Variants in C1orf141 observed in about 807,000 individuals in gnomAD.
The protein encoded by C1orf141 is uncharacterized protein C1orf141.
In C1orf141, 19 loss-of-function variants were observed where a neutral mutation model predicts 23.2. The observed-to-expected ratio is 0.82, with a 90% confidence interval of 0.57 to 1.20. The LOEUF (loss-of-function observed/expected upper bound fraction) is 1.20, where lower values mean the gene tolerates loss of function less well. Ranked by LOEUF, C1orf141 falls within the 50% of genes most tolerant of loss-of-function variation. C1orf141 has a pLI of 0.00. For synonymous variants in C1orf141, 153 were observed against 154.6 expected, an observed-to-expected ratio of 0.99 and a Z score of 0.08; for missense variants, 469 against 455.1, an observed-to-expected ratio of 1.03 and a Z score of -0.28.
At chr1:67,094,198 C>G (rs1374645708) in intron 7 of C1orf141, 1 of 152,162 alleles carries the variant, frequency 6.6e-6, no homozygotes, top group African/African-American at 2.4e-5. Flanking sequence ...TAAGAATAGA[C>G]ATTTTTATCG....
At chr1:67,135,719 A>G (rs1238488465), upstream of C1orf141, among the ~76,000 whole-genome samples, 2 of 152,050 alleles carry the variant, frequency 1.3e-5, no homozygotes, top group Non-Finnish European at 2.9e-5. Flanking sequence ...AATGATGGGG[A>G]ATTTCACAAT....
chr1:67,101,020 C>A (rs889592154), intron 5 of C1orf141, among the ~76,000 whole-genome samples: 3 of 150,054 alleles, frequency 2.0e-5, no homozygotes, highest in African/African-American at 7.4e-5. Flanking sequence ...ATTTTTTTAT[C>A]TCTCTCTTTG....
At chr1:67,099,164 G>A (rs1477806530) in intron 5 of C1orf141, among the ~76,000 whole-genome samples, 1 of 152,058 alleles carries the variant, frequency 6.6e-6, no homozygotes, top group African/African-American at 2.4e-5. Flanking sequence ...CAGATACTTT[G>A]TACTAAAAAA....
At chr1:67,104,899 A>T (rs1349804858) in intron 5 of C1orf141, among the ~76,000 whole-genome samples, 1 of 152,216 alleles carries the variant, frequency 6.6e-6, no homozygotes, top group African/African-American at 2.4e-5. Flanking sequence ...ATAACTCATT[A>T]CCCATAGGTC....
At chr1:67,135,906 C>CAGAAAAAAA (rs1646580983), upstream of C1orf141, among the ~76,000 whole-genome samples, 1 of 62,620 alleles carries the variant, frequency 1.6e-5, no homozygotes, top group African/African-American at 7.6e-5. Flanking sequence ...GGCAAAACTG[C>CAGAAAAAAA]AAAAAAAAAA....
intron 5 of C1orf141, among the ~76,000 whole-genome samples, chr1:67,098,988 T>C (rs1226684301): frequency 6.6e-6 from 1 of 152,058 alleles, no homozygotes; most frequent in Non-Finnish European, 1.5e-5. Context: ...CAGTTCAAAA[T>C]CATGAAAAAC....
chr1:67,120,812 G>A (rs918159397), intron 4 of C1orf141, among the ~76,000 whole-genome samples: 3 of 152,088 alleles, frequency 2.0e-5, no homozygotes, highest in African/African-American at 7.2e-5. Context: ...ACTAATATAG[G>A]GGGTCAAATG....
chr1:67,099,254 G>A (rs555309515), intron 5 of C1orf141, among the ~76,000 whole-genome samples: 2 of 152,118 alleles, frequency 1.3e-5, no homozygotes, highest in African/African-American at 4.8e-5. Flanking sequence ...ATGACAATTG[G>A]ACCATGAACA....
chr1:67,105,699 T>C (rs769607338), intron 5 of C1orf141, among the ~76,000 whole-genome samples: 116 of 151,620 alleles, frequency 7.7e-4, no homozygotes, highest in Non-Finnish European at 1.3e-3. Context: ...GACCTTAAGG[T>C]CCTGGAGAAT....
chr1:67,112,833 CCT>C (rs1646104654), intron 5 of C1orf141, among the ~76,000 whole-genome samples: 1 of 152,128 alleles, frequency 6.6e-6, no homozygotes, highest in Admixed American at 6.5e-5. Context: ...TCAGAGGACG[CCT>C]CTCTGAACAG....
intron 5 of C1orf141, among the ~76,000 whole-genome samples, chr1:67,097,908 C>G (rs1216635894): frequency 1.3e-5 from 2 of 152,110 alleles, no homozygotes; most frequent in East Asian, 3.9e-4. Context: ...AAGAGAAAAA[C>G]AGGCCCACTG....
At chr1:67,122,709 T>A (rs1030743300) in intron 4 of C1orf141, 21 of 152,334 alleles carry the variant, frequency 1.4e-4, no homozygotes, top group Middle Eastern at 3.4e-3. Context: ...ATTACACCCA[T>A]GTGTCAAAGC....
chr1:67,135,905 G>GTAAAA (rs1646580821), upstream of C1orf141, among the ~76,000 whole-genome samples: 1 of 4,052 alleles, frequency 2.5e-4, no homozygotes, highest in African/African-American at 1.1e-3. Flanking sequence ...TGGCAAAACT[G>GTAAAA]CAAAAAAAAA....
chr1:67,139,522 C>A (rs1646615032), upstream of C1orf141, among the ~76,000 whole-genome samples: 1 of 152,168 alleles, frequency 6.6e-6, no homozygotes, highest in African/African-American at 2.4e-5. Flanking sequence ...CAGTCCTAGG[C>A]TTTTTCCCCA....
intron 5 of C1orf141, chr1:67,111,650 G>A: frequency 7.6e-7 from 1 of 1,313,448 alleles, no homozygotes; most frequent in Non-Finnish European, 1.0e-6. Context: ...TGGCTCTAAA[G>A]AAACAAACAT....
At chr1:67,136,633 T>A (rs1416194738), upstream of C1orf141, among the ~76,000 whole-genome samples, 3 of 152,248 alleles carry the variant, frequency 2.0e-5, no homozygotes, top group Non-Finnish European at 4.4e-5. Flanking sequence ...ACGTTCTGCA[T>A]GTCAGGTACT....
rs1230765487 is a variant in C1orf141 at position 67,111,695 on chromosome 1, A to G, written c.346+3657T>C. On this transcript the variant is annotated intron_variant, in intron 5 of 7. Transcript: ENST00000684719. ...CATGCTATTAAGTTACTTCTAATTA[A>G]ACCCAATCAACCATTTTCTCCACTG... 6.4e-6 allele frequency: 5 copies of G among 777,230 alleles called. No homozygotes were observed. The Admixed American group carries it at 1.9e-4, about 29-fold the overall frequency. The allele number at this position is 777,230 out of a possible 1,614,324, so 48.1% of individuals were successfully genotyped here.
intron 4 of C1orf141, 134 bp downstream of exon 4, chr1:67,125,617 TA>T: frequency 1.2e-6 from 1 of 848,486 alleles, no homozygotes; most frequent in Non-Finnish European, 2.0e-6. Context: ...GAGAATCACC[TA>T]AACCTGGGAA....
At chr1:67,132,447 C>T (rs1646531604) in intron 1 of C1orf141, among the ~76,000 whole-genome samples, 1 of 152,062 alleles carries the variant, frequency 6.6e-6, no homozygotes, top group Non-Finnish European at 1.5e-5. Context: ...AACCTGAACC[C>T]AGGTGGCGGA....
Sources: gnomAD v4.1 joint callset for allele counts (sites outside exome capture counted in the v4.1 genomes callset) on GRCh38, gnomAD v4.1.1 for gene constraint, MANE v1.5 for transcripts, NCBI Gene and HGNC (gene_info 2026-07-23, HGNC 2026-07-21) for gene names.